Variants in SLIT1 observed in about 807,000 individuals in gnomAD.
SLIT1 encodes slit homolog 1 protein.
Under a neutral mutation model 186.1 loss-of-function variants are expected in SLIT1, and 66 were observed. The observed-to-expected ratio is 0.35, with a 90% CI of 0.29 to 0.44. The LOEUF (loss-of-function observed/expected upper bound fraction) is 0.44. Ranked by LOEUF, SLIT1 falls within the 20% of genes least tolerant of loss-of-function variation. SLIT1 has a pLI of 1.00. For missense variants in SLIT1, 1,638 were observed against 2,037.4 expected (o/e 0.80, Z 3.77); for synonymous variants, 761 against 833.8 (o/e 0.91, Z 1.50).
At chr10:97,173,648 G>A (rs779879632) in intron 1 of SLIT1, among the ~76,000 whole-genome samples, 8 of 152,142 alleles carry the variant, frequency 5.3e-5, no homozygotes, top group African/African-American at 9.7e-5. Context: ...CTCAAGCAGC[G>A]GTGAGGCAGA....
intron 20 of SLIT1, among the ~76,000 whole-genome samples, chr10:97,042,476 A>G (rs897724627): frequency 1.3e-5 from 2 of 152,094 alleles, no homozygotes; most frequent in African/African-American, 2.4e-5. Flanking sequence ...GGTTTCCTAC[A>G]TATGGGGGAG....
chr10:97,060,839 T>A (rs531228022), intron 8 of SLIT1, 52 bp from the exon 9 acceptor site: 14 of 1,512,998 alleles, frequency 9.3e-6, no homozygotes, highest in Middle Eastern at 3.5e-4. Flanking sequence ...AGCACCTCCC[T>A]TGAGCCCAGA....
At chr10:97,175,886 C>G (rs572305163) in intron 1 of SLIT1, among the ~76,000 whole-genome samples, 2 of 152,324 alleles carry the variant, frequency 1.3e-5, no homozygotes, top group Admixed American at 6.5e-5. Flanking sequence ...AGACACCTCA[C>G]TCCCTATACC....
intron 4 of SLIT1, among the ~76,000 whole-genome samples, chr10:97,094,803 A>T (rs1313254125): frequency 6.6e-6 from 1 of 152,238 alleles, no homozygotes; most frequent in Non-Finnish European, 1.5e-5. Flanking sequence ...CAATTAATTA[A>T]AACTACTTTA....
chr10:97,011,967 C>T (rs1185417595), intron 30 of SLIT1, among the ~76,000 whole-genome samples: 2 of 152,104 alleles, frequency 1.3e-5, no homozygotes, highest in Non-Finnish European at 2.9e-5. Flanking sequence ...AAACTCCTAA[C>T]TCTGAAGCTC....
In SLIT1 at chr10:96,999,021, G is replaced by A. The variant is rs1468373922; in HGVS notation, c.*2091C>T. 6.6e-6 allele frequency: 1 copy of A among 152,338 alleles called. No homozygotes were observed. The highest frequency in any genetic ancestry group is 2.4e-5 in the African/African-American group (1 of 41,464). The allele number at this position is 152,338 out of a possible 1,614,324, so 9.4% of individuals were successfully genotyped here. Reference sequence around the variant, plus strand: ...TTTCTCAGGGTTGGTGAGTCCCAGAGCACCTTTCTTCCAGGGAAGAGGCAA... The same window carrying A: ...TTTCTCAGGGTTGGTGAGTCCCAGAACACCTTTCTTCCAGGGAAGAGGCAA... On this transcript the variant is annotated 3_prime_UTR_variant, in exon 37 of 37. Coordinates refer to ENST00000266058, the MANE Select transcript of SLIT1 (RefSeq NM_003061.3).
At chr10:97,139,668 G>T (rs1376362329) in intron 4 of SLIT1, among the ~76,000 whole-genome samples, 1 of 152,178 alleles carries the variant, frequency 6.6e-6, no homozygotes. Context: ...AAAACCCCCA[G>T]GTAATAAATA....
At chr10:97,110,165 C>T (rs567872120) in intron 4 of SLIT1, among the ~76,000 whole-genome samples, 5 of 152,316 alleles carry the variant, frequency 3.3e-5, no homozygotes, top group East Asian at 1.9e-4. Context: ...AACAATTCCA[C>T]GGCTTGAAAC....
intron 4 of SLIT1, among the ~76,000 whole-genome samples, chr10:97,121,019 G>C (rs559984822): frequency 3.9e-5 from 6 of 152,034 alleles, no homozygotes; most frequent in Non-Finnish European, 5.9e-5. Context: ...ATGTCAAGAC[G>C]GTCTCCCTGG....
At chr10:97,042,875 C>CT (rs1848701704) in intron 20 of SLIT1, 26 bp downstream of exon 20, 3 of 1,609,398 alleles carry the variant, frequency 1.9e-6, no homozygotes, top group African/African-American at 2.7e-5. Context: ...CGCCCTCTCC[C>CT]TTGCCACCGG....
intron 1 of SLIT1, among the ~76,000 whole-genome samples, chr10:97,170,746 C>A (rs185328901): frequency 2.6e-5 from 4 of 152,336 alleles, no homozygotes; most frequent in Admixed American, 2.6e-4. Context: ...GGAGAAAATC[C>A]TCCGAAGCAA....
rs1464536084 is a variant in SLIT1 at position 97,002,801 on chromosome 10, G to T, written c.4057C>A (p.Gln1353Lys). ...ATGGGCCCTGGGGTGGCATTGGGCT[G>T]GCAGATGCCATGCAGGCAGTAGAGC... ...RKLYCLHGIC[Q>K]PNATPGPMCH... The change falls in exon 35 of 37, where the codon CAG becomes AAG. Residue 1353 changes from glutamine (Q) to lysine (K), a missense_variant. By Grantham distance (53) the Gln-to-Lys change is moderately conservative. Transcript: ENST00000266058. 2.5e-6 allele frequency: 4 copies of T among 1,614,062 alleles called. No homozygotes were observed. Among genetic ancestry groups the T allele is most frequent in the Non-Finnish European group, 3.4e-6 (4 of 1,179,972 alleles).
intron 4 of SLIT1, among the ~76,000 whole-genome samples, chr10:97,096,183 C>T (rs1327480908): frequency 1.3e-5 from 2 of 152,198 alleles, no homozygotes; most frequent in Non-Finnish European, 2.9e-5. Flanking sequence ...AGCTGCGGCC[C>T]GAGCTTAGGG....
chr10:97,135,685 T>C (rs565730911), intron 4 of SLIT1, among the ~76,000 whole-genome samples: 1 of 152,180 alleles, frequency 6.6e-6, no homozygotes, highest in Non-Finnish European at 1.5e-5. Context: ...CTGGATGCTG[T>C]ACTTGGGTCT....
rs1283710320 is a variant in SLIT1 at position 97,166,557 on chromosome 10, A to AGGAAGGAAAGAGAGAGAGAG, written c.198-1668_198-1667insCTCTCTCTCTCTTTCCTTCC. Among the ~76,000 whole-genome samples the AGGAAGGAAAGAGAGAGAGAG allele has an allele frequency of 3.4e-4, 19 of 55,202 alleles. No homozygotes were observed. The South Asian group carries it at 5.1e-3, about 15-fold the overall frequency. 36.2% of individuals were successfully genotyped at this position (55,202 alleles called of 152,430 possible). A position where few individuals can be genotyped will look rare whatever the true frequency, so the allele number is the denominator to read the frequency against. On this transcript the variant is annotated intron_variant, in intron 1 of 36. Coordinates refer to ENST00000266058, the MANE Select transcript of SLIT1 (RefSeq NM_003061.3). ...AAGGAAGGAAGGAAGGAAGGAAGGA[A>AGGAAGGAAAGAGAGAGAGAG]AGAGAGAGAGAGAGAAAGAAAGAAA...
intron 4 of SLIT1, among the ~76,000 whole-genome samples, chr10:97,120,697 G>A (rs1849553082): frequency 6.6e-6 from 1 of 152,104 alleles, no homozygotes; most frequent in Non-Finnish European, 1.5e-5. Flanking sequence ...CTAAGCGGCC[G>A]ACACCTCCGG....
Position 97,019,032 on chromosome 10 carries a change from T to C in SLIT1, c.2822A>G (p.His941Arg). Residue 941 changes from histidine (H) to arginine (R), a missense_variant, in exon 27 of 37, where the codon CAC (histidine) becomes CGC (arginine). By Grantham distance (29) the His-to-Arg change is conservative. Coordinates refer to ENST00000266058, the MANE Select transcript of SLIT1 (RefSeq NM_003061.3). Reference sequence around the variant, plus strand: ...CCTGTACACCTCAAGGGGGTCGTTGTGGCAGGTGCCCTGGTTCTGGCACGG... The same window carrying C: ...CCTGTACACCTCAAGGGGGTCGTTGCGGCAGGTGCCCTGGTTCTGGCACGG... ...SSPCQNQGTC[H>R]NDPLEVYRCA... is the part of the protein sequence containing the mutation. 3 of 1,613,966 alleles carry C rather than the reference T, an allele frequency of 1.9e-6. No individual in the cohort carries two copies. The highest frequency in any genetic ancestry group is 2.5e-6 in the Non-Finnish European group (3 of 1,179,964).
chr10:97,047,151 C>T lies in SLIT1; in HGVS notation c.1635-86G>A, dbSNP rs1004848883. 9.2e-6 allele frequency: 8 copies of T among 867,836 alleles called. No homozygotes were observed. In the East Asian group the frequency reaches 2.0e-4, roughly 22 times the overall value. 53.8% of individuals were successfully genotyped at this position (867,836 alleles called of 1,614,324 possible). On this transcript the variant is annotated intron_variant, in intron 16 of 36. Coordinates refer to ENST00000266058, the MANE Select transcript of SLIT1 (RefSeq NM_003061.3). ...AAACTGAGAATATTTGGGACTCAAA[C>T]AGAGAAGACTCCCAGAAGAATTTAT... is the stretch of plus-strand genomic sequence containing the variant.
intron 13 of SLIT1, among the ~76,000 whole-genome samples, chr10:97,051,627 T>C (rs1358562838): frequency 1.3e-5 from 2 of 152,100 alleles, no homozygotes; most frequent in African/African-American, 2.4e-5. Flanking sequence ...CTGATCAAGA[T>C]GGTGAAACCC....
Sources: allele counts gnomAD v4.1 joint callset (sites outside exome capture counted in the v4.1 genomes callset), GRCh38; gene constraint gnomAD v4.1.1; transcripts MANE v1.5; gene names NCBI Gene and HGNC (gene_info 2026-07-23, HGNC 2026-07-21).